ANO3: variants seen among roughly 807,000 people sequenced by gnomAD.
ANO3 encodes the protein anoctamin-3.
A neutral mutation model predicts 144.8 loss-of-function variants in ANO3; 99 were observed. That is an observed-to-expected ratio of 0.68 (90% confidence interval 0.58 to 0.81). The LOEUF is 0.81. ANO3 is among the 30% of genes least tolerant of loss of function. The probability of loss-of-function intolerance (pLI) is 0.00; values close to 1 mark genes in which losing one functional copy is unlikely to be tolerated. For synonymous variants in ANO3, 414 were observed against 392.6 expected (o/e 1.05, Z -0.64); for missense variants, 905 against 1,202.2 (o/e 0.75, Z 3.66).
chr11:26,401,229 A>G (rs1309127676), intron 1 of ANO3, among the ~76,000 whole-genome samples: 4 of 151,988 alleles, frequency 2.6e-5, no homozygotes, highest in African/African-American at 9.7e-5. Context: ...TTGGGAGATC[A>G]GTCAGTCATT....
At chr11:26,194,495 A>G (rs1237324424) in intron 1 of ANO3, among the ~76,000 whole-genome samples, 32 of 38,538 alleles carry the variant, frequency 8.3e-4, no homozygotes, top group African/African-American at 3.6e-3. Flanking sequence ...TGTATTATTT[A>G]TTTATTTATT....
At chr11:26,369,786 G>A (rs1297789470) in intron 1 of ANO3, among the ~76,000 whole-genome samples, 1 of 151,748 alleles carries the variant, frequency 6.6e-6, no homozygotes, top group Non-Finnish European at 1.5e-5. Flanking sequence ...ATTGTTTACT[G>A]TTACTTTCTA....
chr11:26,377,503 C>T (rs144886188), intron 1 of ANO3, among the ~76,000 whole-genome samples: 14 of 151,954 alleles, frequency 9.2e-5, no homozygotes, highest in African/African-American at 2.7e-4. Flanking sequence ...TGAATAAAAA[C>T]GCAAAATATA....
chr11:26,566,370 C>T (rs1043670842), intron 14 of ANO3, among the ~76,000 whole-genome samples: 1 of 151,876 alleles, frequency 6.6e-6, no homozygotes, highest in African/African-American at 2.4e-5. Flanking sequence ...ATGAAAATGA[C>T]ATTACTGACT....
At chr11:26,415,415 G>A (rs76872468) in intron 1 of ANO3, among the ~76,000 whole-genome samples, 1,908 of 152,002 alleles carry the variant, frequency 0.013, 40 homozygotes, top group African/African-American at 0.044. Flanking sequence ...ACTGCAAAGG[G>A]CCTATAATTT....
intron 4 of ANO3, among the ~76,000 whole-genome samples, chr11:26,467,009 T>C (rs1023011903): frequency 6.6e-6 from 1 of 151,944 alleles, no homozygotes; most frequent in African/African-American, 2.4e-5. Context: ...TATCTAAAAC[T>C]TTCTAAAATT....
At chr11:26,537,379 A>G in intron 9 of ANO3, 27 bp from the exon 10 acceptor site, 2 of 1,580,930 alleles carry the variant, frequency 1.3e-6, no homozygotes, top group South Asian at 1.1e-5. Context: ...AACTAACTCA[A>G]TAACTGTCCT....
intron 4 of ANO3, among the ~76,000 whole-genome samples, chr11:26,498,610 G>A (rs1861064243): frequency 1.3e-5 from 2 of 150,940 alleles, no homozygotes; most frequent in East Asian, 1.9e-4. Context: ...ATCATATTGA[G>A]CTGGAACAAG....
intron 1 of ANO3, among the ~76,000 whole-genome samples, chr11:26,210,271 T>G (rs1851905309): frequency 6.6e-6 from 1 of 152,196 alleles, no homozygotes; most frequent in African/African-American, 2.4e-5. Flanking sequence ...TTTTGTCAGG[T>G]TTGTCAAAGA....
chr11:26,312,023 C>T (rs1008081092), intron 1 of ANO3, among the ~76,000 whole-genome samples: 7 of 152,118 alleles, frequency 4.6e-5, no homozygotes, highest in African/African-American at 1.7e-4. Context: ...CAACAGGCCC[C>T]GGTGTGTGAT....
chr11:26,646,249 T>C (rs1853342125), intron 23 of ANO3, among the ~76,000 whole-genome samples: 1 of 152,152 alleles, frequency 6.6e-6, no homozygotes, highest in African/African-American at 2.4e-5. Flanking sequence ...AATAGTAATA[T>C]TCATAATACT....
intron 1 of ANO3, among the ~76,000 whole-genome samples, chr11:26,223,164 C>T (rs1852183785): frequency 6.6e-6 from 1 of 151,772 alleles, no homozygotes; most frequent in Admixed American, 6.6e-5. Context: ...GATCATAGGT[C>T]GTTAGAAGCA....
intron 14 of ANO3, among the ~76,000 whole-genome samples, chr11:26,564,487 G>T (rs1193893553): frequency 6.7e-6 from 1 of 149,212 alleles, no homozygotes; most frequent in African/African-American, 2.5e-5. Flanking sequence ...AAACAAGAAT[G>T]AATTATTAAA....
intron 18 of ANO3, among the ~76,000 whole-genome samples, chr11:26,625,648 G>A (rs560928973): frequency 1.7e-4 from 26 of 151,766 alleles, no homozygotes; most frequent in Non-Finnish European, 3.1e-4. Flanking sequence ...CAAAGGTTTT[G>A]CCAAGACTCT....
intron 4 of ANO3, among the ~76,000 whole-genome samples, chr11:26,486,982 C>T (rs890049462): frequency 6.6e-6 from 1 of 152,222 alleles, no homozygotes; most frequent in African/African-American, 2.4e-5. Context: ...TTATTTAATG[C>T]AGTTGCCACT....
chr11:26,585,900 G>A lies in ANO3; in HGVS notation c.1448-12465G>A, dbSNP rs180825130. ...CGTTCAGATTTTTATTGACTGTTAA[G>A]AGAATGGGTGTTATAGATGTTAGAA... is the stretch of plus-strand genomic sequence containing the variant. On this transcript the variant is annotated intron_variant, in intron 14 of 26. Transcript: ENST00000256737. 6.6e-5 allele frequency among the ~76,000 whole-genome samples: 10 copies of A among 152,276 alleles called. 1 individual carries two copies. The East Asian group carries it at 1.4e-3, about 21-fold the overall frequency.
chr11:26,501,128 G>A (rs1861178961), intron 4 of ANO3, among the ~76,000 whole-genome samples: 1 of 152,248 alleles, frequency 6.6e-6, no homozygotes, highest in East Asian at 1.9e-4. Context: ...AACAAACCTA[G>A]AACACAGATA....
rs181385207 is a variant in ANO3, at chr11:26,510,876, C to G, written c.591+2614C>G. On this transcript the variant is annotated intron_variant, in intron 5 of 26. Coordinates refer to ENST00000256737, the MANE Select transcript of ANO3 (RefSeq NM_031418.4). Reference sequence around the variant, plus strand: ...TTAGTCATCCAAAAAGGGTCCTGTTCCGCTTTTAAAGGGAAGTCTATTTAT... The same window carrying G: ...TTAGTCATCCAAAAAGGGTCCTGTTGCGCTTTTAAAGGGAAGTCTATTTAT... Among the ~76,000 whole-genome samples the G allele has an allele frequency of 1.6e-3, 244 of 152,258 alleles. 1 individual carries two copies. Among genetic ancestry groups the G allele is most frequent in the Non-Finnish European group, 2.7e-3 (185 of 68,012 alleles).
intron 14 of ANO3, among the ~76,000 whole-genome samples, chr11:26,584,244 C>T (rs111962329): frequency 5.9e-5 from 9 of 151,982 alleles, no homozygotes; most frequent in African/African-American, 1.7e-4. Context: ...CTGCAACCTC[C>T]GCCTCCTGTG....
Sources: gnomAD v4.1 joint callset for allele counts (sites outside exome capture counted in the v4.1 genomes callset) on GRCh38, gnomAD v4.1.1 for gene constraint, MANE v1.5 for transcripts, NCBI Gene and HGNC (gene_info 2026-07-23, HGNC 2026-07-21) for gene names.